IL36G: variants seen among roughly 807,000 people sequenced by gnomAD.
IL36G encodes the protein interleukin-36 gamma.
IL36G carries 10 observed loss-of-function variants against 13.5 expected under a neutral mutation model. The observed-to-expected ratio is 0.74, with a 90% CI of 0.46 to 1.26. The LOEUF (loss-of-function observed/expected upper bound fraction) is 1.26, where lower values mean the gene tolerates loss of function less well. Ranked by LOEUF, IL36G falls within the 50% of genes most tolerant of loss-of-function variation. The pLI is 0.00. For missense variants in IL36G, 199 were observed against 203.0 expected, an observed-to-expected ratio of 0.98 and a Z score of 0.12; for synonymous variants, 84 against 74.0, an observed-to-expected ratio of 1.13 and a Z score of -0.69.
intron 4 of IL36G, chr2:112,981,361 G>A (rs539521561): frequency 9.9e-5 from 75 of 755,518 alleles, no homozygotes; most frequent in African/African-American, 6.7e-4. Context: ...ACAACTTTGC[G>A]GGCCTTCTCT....
intron 4 of IL36G, among the ~76,000 whole-genome samples, chr2:112,983,624 AAAG>A (rs1360612347): frequency 6.6e-6 from 1 of 152,110 alleles, no homozygotes; most frequent in African/African-American, 2.4e-5. Flanking sequence ...CTTGGAAGGC[AAAG>A]AAGAAGACAG....
At chr2:112,978,122 C>T (rs1573339593) in intron 1 of IL36G, 44 bp downstream of exon 1, 1 of 161,054 alleles carries the variant, frequency 6.2e-6, no homozygotes, top group African/African-American at 2.4e-5. Context: ...CCCTCTGGAG[C>T]CTTTCCTCTC....
intron 2 of IL36G, 100 bp downstream of exon 2, chr2:112,978,793 C>T: frequency 2.6e-6 from 3 of 1,174,838 alleles, no homozygotes; most frequent in Non-Finnish European, 3.8e-6. Flanking sequence ...CCTCTCTGTA[C>T]ACTGCCCTTC....
rs534924282 is a variant in IL36G, at chr2:112,981,408, A to C, written c.300+1260A>C. The C allele has an allele frequency of 9.4e-5, 68 of 721,384 alleles. 1 individual carries two copies. In the South Asian group the frequency reaches 9.8e-4, roughly 10 times the overall value. The allele number at this position is 721,384 out of a possible 1,614,324, so 44.7% of individuals were successfully genotyped here. ...TTCACCTTGGCTTATCTCCTTCAGC[A>C]TCCCCTTCAGCCTTTCTCCTGGGCA... On this transcript the variant is annotated intron_variant, in intron 4 of 4. Coordinates refer to ENST00000259205, the MANE Select transcript of IL36G (RefSeq NM_019618.4).
intron 4 of IL36G, 127 bp from the exon 5 acceptor site, chr2:112,984,713 A>T: frequency 1.3e-6 from 1 of 755,134 alleles, no homozygotes; most frequent in Non-Finnish European, 2.2e-6. Flanking sequence ...GTGTTTCTCT[A>T]GGCCTGCTCT....
At chr2:112,980,543 G>C (rs1684243833) in intron 4 of IL36G, among the ~76,000 whole-genome samples, 1 of 152,244 alleles carries the variant, frequency 6.6e-6, no homozygotes, top group Non-Finnish European at 1.5e-5. Flanking sequence ...TGAACAGGGA[G>C]AGTTTAGAGT....
chr2:112,982,345 G>A (rs1210519519), intron 4 of IL36G, among the ~76,000 whole-genome samples: 1 of 152,220 alleles, frequency 6.6e-6, no homozygotes, highest in East Asian at 1.9e-4. Flanking sequence ...AGTGAATTGA[G>A]GAATGAGTCC....
At chr2:112,984,551 T>C (rs1158618771) in intron 4 of IL36G, among the ~76,000 whole-genome samples, 1 of 152,194 alleles carries the variant, frequency 6.6e-6, no homozygotes, top group Non-Finnish European at 1.5e-5. Flanking sequence ...CTCAGCCTCT[T>C]GTGTGAGAAG....
At chr2:112,982,208 G>A (rs1332803654) in intron 4 of IL36G, among the ~76,000 whole-genome samples, 1 of 152,234 alleles carries the variant, frequency 6.6e-6, no homozygotes, top group Admixed American at 6.5e-5. Flanking sequence ...AGGCTGCAGT[G>A]GTGAATAGTG....
Position 112,984,905 on chromosome 2 carries a change from C to T in IL36G, c.366C>T (p.Ala122=), listed in dbSNP as rs569553329. The change falls in exon 5 of 5, where the codon GCC becomes GCT. Residue 122 remains alanine, a synonymous_variant. Coordinates refer to ENST00000259205, the MANE Select transcript of IL36G (RefSeq NM_019618.4). ...TGAAACCCTTCCTTTTCTACCGTGC[C>T]AAGACTGGTAGGACCTCCACCCTTG... is the stretch of plus-strand genomic sequence containing the variant. The part of the protein sequence containing the change: ...EPVKPFLFYR[A]KTGRTSTLES... The T allele has an allele frequency of 1.9e-6, 3 of 1,614,106 alleles. No individual in the cohort carries two copies. Among genetic ancestry groups the T allele is most frequent in the Non-Finnish European group, 2.5e-6 (3 of 1,179,998 alleles).
chr2:112,980,950 G>A (rs780263299), intron 4 of IL36G, among the ~76,000 whole-genome samples: 22 of 152,210 alleles, frequency 1.4e-4, no homozygotes, highest in Non-Finnish European at 2.6e-4. Context: ...GAAGGGAAAG[G>A]TGTTTTCCCC....
intron 1 of IL36G, 84 bp downstream of exon 1, chr2:112,978,162 G>A (rs1684197480): frequency 5.9e-6 from 1 of 168,728 alleles, no homozygotes; most frequent in Admixed American, 5.7e-5. Flanking sequence ...TGAAGGGAAG[G>A]GCCACATCAG....
chr2:112,981,678 A>AT (rs980146838), intron 4 of IL36G, among the ~76,000 whole-genome samples: 2 of 152,004 alleles, frequency 1.3e-5, no homozygotes, highest in Admixed American at 1.3e-4. Context: ...ATCTCATCTA[A>AT]TTTTTTATAC....
chr2:112,982,640 T>A lies in IL36G; in HGVS notation c.301-2200T>A, dbSNP rs144521630. Among the ~76,000 whole-genome samples the A allele has an allele frequency of 6.9e-3, 1,043 of 152,054 alleles. 12 individuals carry two copies. Among genetic ancestry groups the A allele is most frequent in the African/African-American group, 0.024 (986 of 41,456 alleles). On this transcript the variant is annotated intron_variant, in intron 4 of 4. Transcript: ENST00000259205. ...AGTATTTTAAGTGGAGGAAACAGGA[T>A]TGTGAGTGTGATCAATAAAGTCAGG...
rs538034732 is a variant in IL36G, at chr2:112,978,064, A to T, written c.-34A>T. The T allele has an allele frequency of 6.4e-6, 1 of 156,556 alleles. No homozygotes were observed. The highest frequency in any genetic ancestry group is 6.2e-5 in the Admixed American group (1 of 16,202). 9.7% of individuals were successfully genotyped at this position (156,556 alleles called of 1,614,324 possible). A position where few individuals can be genotyped will look rare whatever the true frequency, so the allele number is the denominator to read the frequency against. ...TCAGTCCCCTGGACTGTAGATAAAGACCCTTTCTTGCCAGGTATAGTCAAT... is the reference window on the plus strand; with the variant it reads ...TCAGTCCCCTGGACTGTAGATAAAGTCCCTTTCTTGCCAGGTATAGTCAAT... On this transcript the variant is annotated 5_prime_UTR_variant, in exon 1 of 5. Coordinates refer to ENST00000259205, the MANE Select transcript of IL36G (RefSeq NM_019618.4).
At chr2:112,979,900 C>A in intron 3 of IL36G, 109 bp from the exon 4 acceptor site, 2 of 1,058,520 alleles carry the variant, frequency 1.9e-6, no homozygotes, top group Non-Finnish European at 1.4e-6. Flanking sequence ...GTTGGGATTA[C>A]ACTCTTCAGC....
intron 4 of IL36G, 143 bp downstream of exon 4, chr2:112,980,291 T>C (rs1684240428): frequency 1.4e-6 from 1 of 731,106 alleles, no homozygotes; most frequent in Non-Finnish European, 2.1e-6. Context: ...GTGCATGCAA[T>C]ACACTTTTCT....
chr2:112,983,040 G>A (rs1317968686), intron 4 of IL36G, among the ~76,000 whole-genome samples: 2 of 152,186 alleles, frequency 1.3e-5, no homozygotes, highest in Non-Finnish European at 2.9e-5. Flanking sequence ...GCACAAGAGA[G>A]CAGGGAGAAC....
chr2:112,978,256 C>A (rs976275435), intron 1 of IL36G, among the ~76,000 whole-genome samples, 178 bp downstream of exon 1: 1 of 152,140 alleles, frequency 6.6e-6, no homozygotes, highest in African/African-American at 2.4e-5. Flanking sequence ...TGGCATGGGA[C>A]CCTCCCCTGC....
Sources: gnomAD v4.1 joint callset for allele counts (sites outside exome capture counted in the v4.1 genomes callset) on GRCh38, gnomAD v4.1.1 for gene constraint, MANE v1.5 for transcripts, NCBI Gene and HGNC (gene_info 2026-07-23, HGNC 2026-07-21) for gene names.